The following CSMD1 variants were observed in gnomAD, a reference collection of about 807,000 sequenced individuals.
CSMD1 encodes the protein CUB and Sushi multiple domains 1, also known as CUB and sushi domain-containing protein 1.
A neutral mutation model predicts 417.5 loss-of-function variants in CSMD1; 213 were observed. The ratio of observed to expected loss-of-function variants is 0.51; its 90% CI spans 0.46 to 0.57. The LOEUF is 0.57. Ranked by LOEUF, CSMD1 falls within the 20% of genes least tolerant of loss-of-function variation. The pLI is 0.00. For missense variants in CSMD1, 6,923 were observed against 4,529.7 expected, an observed-to-expected ratio of 1.53 and a Z score of -15.17; for synonymous variants, 2,862 against 1,736.8, an observed-to-expected ratio of 1.65 and a Z score of -16.11.
chr8:4,542,938 C>T (rs12547182), intron 2 of CSMD1, among the ~76,000 whole-genome samples: 40,588 of 151,998 alleles, frequency 0.27, 6,336 homozygotes, highest in South Asian at 0.38. Flanking sequence ...CACCTGCCTC[C>T]ATACAGTTAT....
intron 3 of CSMD1, among the ~76,000 whole-genome samples, chr8:4,242,559 T>C (rs1802464898): frequency 6.6e-6 from 1 of 152,230 alleles, no homozygotes; most frequent in African/African-American, 2.4e-5. Context: ...TAGTAAGTTG[T>C]CTTGAAAAAA....
chr8:3,527,076 G>C (rs1233907298), intron 10 of CSMD1, among the ~76,000 whole-genome samples: 3 of 152,006 alleles, frequency 2.0e-5, no homozygotes, highest in Non-Finnish European at 2.9e-5. Context: ...ACGCTGCAAA[G>C]AAAGCCCAGA....
intron 1 of CSMD1, among the ~76,000 whole-genome samples, chr8:4,904,017 A>G (rs1805070499): frequency 6.6e-6 from 1 of 152,166 alleles, no homozygotes; most frequent in Admixed American, 6.5e-5. Flanking sequence ...TATTTCTTTT[A>G]TTTTAATACT....
At chr8:3,653,360 C>T (rs1481598430) in intron 7 of CSMD1, among the ~76,000 whole-genome samples, 1 of 152,100 alleles carries the variant, frequency 6.6e-6, no homozygotes, top group Non-Finnish European at 1.5e-5. Flanking sequence ...CCGGGCTGTA[C>T]TGCAGAGGCA....
intron 2 of CSMD1, among the ~76,000 whole-genome samples, chr8:4,627,377 C>T (rs185378046): frequency 6.6e-6 from 1 of 152,118 alleles, no homozygotes; most frequent in African/African-American, 2.4e-5. Context: ...CTCTTTATTG[C>T]ATATTAATAT....
intron 2 of CSMD1, among the ~76,000 whole-genome samples, chr8:4,471,428 G>A (rs543698230): frequency 1.3e-5 from 2 of 152,074 alleles, no homozygotes; most frequent in East Asian, 1.9e-4. Flanking sequence ...CCCAAGTGCA[G>A]CACGTAGCTG....
At chr8:4,065,891 G>C (rs574339095) in intron 3 of CSMD1, among the ~76,000 whole-genome samples, 54 of 152,284 alleles carry the variant, frequency 3.5e-4, no homozygotes, top group African/African-American at 1.3e-3. Context: ...AAGAAAGACT[G>C]CTCAAAGAAG....
chr8:3,923,947 A>G (rs1032020468), intron 5 of CSMD1, among the ~76,000 whole-genome samples: 1 of 152,190 alleles, frequency 6.6e-6, no homozygotes, highest in Non-Finnish European at 1.5e-5. Context: ...CACCATTATT[A>G]CAGTATTAGA....
intron 2 of CSMD1, among the ~76,000 whole-genome samples, chr8:4,425,691 C>A (rs747619128): frequency 6.6e-6 from 1 of 152,030 alleles, no homozygotes; most frequent in Non-Finnish European, 1.5e-5. Flanking sequence ...AAGCAACTGG[C>A]TTATTTTCAA....
chr8:3,961,606 G>C (rs1436962190), intron 5 of CSMD1, among the ~76,000 whole-genome samples: 1 of 152,120 alleles, frequency 6.6e-6, no homozygotes, highest in Non-Finnish European at 1.5e-5. Flanking sequence ...AATTTACTCA[G>C]GCACCATTTG....
chr8:4,377,110 C>T (rs887729441), intron 3 of CSMD1, among the ~76,000 whole-genome samples: 1 of 152,158 alleles, frequency 6.6e-6, no homozygotes, highest in African/African-American at 2.4e-5. Flanking sequence ...TCTAAATTTT[C>T]ATATAGAGCC....
At chr8:3,993,890 C>T (rs1187210525) in intron 5 of CSMD1, among the ~76,000 whole-genome samples, 2 of 152,270 alleles carry the variant, frequency 1.3e-5, no homozygotes, top group East Asian at 3.9e-4. Flanking sequence ...AAAAGATAGG[C>T]AGTGGGCGAT....
intron 2 of CSMD1, among the ~76,000 whole-genome samples, chr8:4,549,977 T>TAACTTTTG (rs1393960593): frequency 6.7e-6 from 1 of 150,186 alleles, no homozygotes; most frequent in Non-Finnish European, 1.5e-5. Context: ...CTTAAAATGG[T>TAACTTTTG]AACTTTTGAG....
At chr8:4,659,756 C>T (rs998322896) in intron 1 of CSMD1, among the ~76,000 whole-genome samples, 5 of 152,020 alleles carry the variant, frequency 3.3e-5, no homozygotes, top group Non-Finnish European at 5.9e-5. Flanking sequence ...ACTGACGCCT[C>T]GGATTTGTTC....
intron 25 of CSMD1, among the ~76,000 whole-genome samples, chr8:3,286,004 G>A (rs1010075027): frequency 6.6e-6 from 1 of 152,062 alleles, no homozygotes; most frequent in East Asian, 1.9e-4. Context: ...AGGCCCCAGT[G>A]TGTGATGTTC....
At chr8:4,468,677 T>A (rs892975565) in intron 2 of CSMD1, among the ~76,000 whole-genome samples, 5 of 152,204 alleles carry the variant, frequency 3.3e-5, no homozygotes, top group African/African-American at 9.6e-5. Flanking sequence ...TCCCCTGGAC[T>A]GTATGTATCA....
intron 5 of CSMD1, among the ~76,000 whole-genome samples, chr8:3,884,249 C>G (rs1363965638): frequency 6.6e-6 from 1 of 152,176 alleles, no homozygotes; most frequent in Non-Finnish European, 1.5e-5. Context: ...CCTCTAATGG[C>G]AAGTCTAACC....
intron 3 of CSMD1, among the ~76,000 whole-genome samples, chr8:4,269,111 C>T (rs768523487): frequency 2.0e-5 from 3 of 152,148 alleles, no homozygotes; most frequent in Non-Finnish European, 2.9e-5. Context: ...GGCTGGAGTG[C>T]AGTGGTGTGA....
chr8:4,223,845 T>G (rs1013391267), intron 3 of CSMD1, among the ~76,000 whole-genome samples: 1 of 152,182 alleles, frequency 6.6e-6, no homozygotes, highest in African/African-American at 2.4e-5. Flanking sequence ...TTGAGACTGA[T>G]AATGAACATG....
Sources: allele counts gnomAD v4.1 joint callset (sites outside exome capture counted in the v4.1 genomes callset), GRCh38; gene constraint gnomAD v4.1.1; transcripts MANE v1.5; gene names NCBI Gene and HGNC (gene_info 2026-07-23, HGNC 2026-07-21).